Variants in CRPPA observed in about 807,000 individuals in gnomAD.
CRPPA encodes the protein D-ribitol-5-phosphate cytidylyltransferase.
A neutral mutation model predicts 52.0 loss-of-function variants in CRPPA; 43 were observed. The ratio of observed to expected loss-of-function variants is 0.83; its 90% CI spans 0.65 to 1.07. The LOEUF is 1.07. Among genes scored for constraint, CRPPA ranks in the 50% least tolerant of loss-of-function variants. The probability of loss-of-function intolerance (pLI) is 0.00; values close to 1 mark genes in which losing one functional copy is unlikely to be tolerated. For missense variants in CRPPA, 629 were observed against 551.7 expected (o/e 1.14, Z -1.40); for synonymous variants, 250 against 203.5 (o/e 1.23, Z -1.94).
At position 16,348,517 on chromosome 7, in the gene CRPPA, G is replaced by A. The variant is rs192333482; in HGVS notation, c.684+27575C>T. 6.1e-4 allele frequency among the ~76,000 whole-genome samples: 93 copies of A among 152,304 alleles called. 1 individual carries two copies. The highest frequency in any genetic ancestry group is 2.2e-3 in the African/African-American group (90 of 41,568). ...AATGCATCCTATAAATCTAGCTCTG[G>A]AAGCAGAAGGGACTAGGTATATGAG... On this transcript the variant is annotated intron_variant, in intron 3 of 9. Coordinates refer to ENST00000407010, the MANE Select transcript of CRPPA (RefSeq NM_001101426.4).
rs146539219 is a variant in CRPPA at position 16,256,463 on chromosome 7, C to T, written c.1119+1927G>A. 1.8e-3 allele frequency among the ~76,000 whole-genome samples: 274 copies of T among 152,250 alleles called. 2 individuals carry two copies. The highest frequency in any genetic ancestry group is 6.3e-3 in the African/African-American group (262 of 41,548). On this transcript the variant is annotated intron_variant, in intron 8 of 9. Coordinates refer to ENST00000407010, the MANE Select transcript of CRPPA (RefSeq NM_001101426.4). ...ATTCTACAATAAAGACACATGCACA[C>T]GTATGTTTATTGCAGCTCTGTTCAC... is the stretch of plus-strand genomic sequence containing the variant.
chr7:16,407,038 C>T (rs1374563679), intron 1 of CRPPA, among the ~76,000 whole-genome samples: 1 of 152,166 alleles, frequency 6.6e-6, no homozygotes, highest in Admixed American at 6.5e-5. Context: ...TACAGTGGCA[C>T]CATCTCAGTT....
chr7:16,200,672 C>T (rs191619563), intron 9 of CRPPA, among the ~76,000 whole-genome samples: 137 of 152,254 alleles, frequency 9.0e-4, no homozygotes, highest in African/African-American at 3.0e-3. Context: ...AATTTAAAGT[C>T]ACAAAACTTC....
intron 8 of CRPPA, among the ~76,000 whole-genome samples, chr7:16,240,195 A>C (rs766304166): frequency 3.3e-5 from 5 of 150,894 alleles, no homozygotes; most frequent in Non-Finnish European, 5.9e-5. Flanking sequence ...TTTGTGTTAG[A>C]AATGAATCCA....
intron 9 of CRPPA, among the ~76,000 whole-genome samples, chr7:16,165,694 C>G (rs897412265): frequency 2.0e-5 from 3 of 152,198 alleles, no homozygotes; most frequent in Admixed American, 6.5e-5. Flanking sequence ...TGTAAAAACA[C>G]CATAATTCCC....
intron 3 of CRPPA, among the ~76,000 whole-genome samples, chr7:16,371,764 T>C (rs893882063): frequency 6.6e-6 from 1 of 151,782 alleles, no homozygotes; most frequent in Non-Finnish European, 1.5e-5. Context: ...ATTAAGCTAT[T>C]CAAGGAGATA....
At chr7:16,398,208 C>T (rs1344550479) in intron 2 of CRPPA, among the ~76,000 whole-genome samples, 1 of 152,078 alleles carries the variant, frequency 6.6e-6, no homozygotes, top group Non-Finnish European at 1.5e-5. Context: ...GTGATCAAGA[C>T]ATGATCTACA....
At chr7:16,261,585 T>A (rs1783801609) in intron 6 of CRPPA, among the ~76,000 whole-genome samples, 1 of 137,652 alleles carries the variant, frequency 7.3e-6, no homozygotes, top group Non-Finnish European at 1.6e-5. Flanking sequence ...TAGTTGGTTG[T>A]TTTGGAGCAA....
In CRPPA at chr7:16,286,037, AAATATAAATATAT is replaced by A. The variant is rs1455972459; in HGVS notation, c.836-7824_836-7812del. On this transcript the variant is annotated intron_variant, in intron 5 of 9. Transcript: ENST00000407010. The stretch of plus-strand genomic sequence containing the variant: ...CTCCATCTCAAAAAAAAAAAAAAAA[AAATATAAATATAT>A]ATATATATATATATATATATATATA... Among the ~76,000 whole-genome samples the A allele has an allele frequency of 7.0e-3, 105 of 15,086 alleles. 6 individuals are homozygous for A. Among genetic ancestry groups the A allele is most frequent in the African/African-American group, 0.023 (43 of 1,852 alleles). 9.9% of individuals were successfully genotyped at this position (15,086 alleles called of 152,430 possible). A position where few individuals can be genotyped will look rare whatever the true frequency, so the allele number is the denominator to read the frequency against.
At position 16,376,216 on chromosome 7, in the gene CRPPA, A is replaced by G. The variant is rs1554347337; in HGVS notation, c.560T>C (p.Val187Ala). 6.2e-7 allele frequency: 1 copy of G among 1,610,536 alleles called. No individual in the cohort carries two copies. The highest frequency in any genetic ancestry group is 8.5e-7 in the Non-Finnish European group (1 of 1,178,514). ...HGAAGAIRPL[V>A]STVVSPSADG... ...AGCAGATGGACTGACGACAGTAGATACAAGAGGTCGAATGGCTCCTGCTGC... is the reference window on the plus strand; with the variant it reads ...AGCAGATGGACTGACGACAGTAGATGCAAGAGGTCGAATGGCTCCTGCTGC... Residue 187 changes from valine (V) to alanine (A), a missense_variant, in exon 3 of 10, where the codon GTA (valine) becomes GCA (alanine). Coordinates refer to ENST00000407010, the MANE Select transcript of CRPPA (RefSeq NM_001101426.4).
rs1350025112 is a variant in CRPPA, at chr7:16,090,254, T to C, written c.*1441A>G. 6.6e-6 allele frequency: 1 copy of C among 152,166 alleles called. No homozygotes were observed. Among genetic ancestry groups the C allele is most frequent in the East Asian group, 1.9e-4 (1 of 5,202 alleles). The allele number at this position is 152,166 out of a possible 1,614,324, so 9.4% of individuals were successfully genotyped here. A position where few individuals can be genotyped will look rare whatever the true frequency, so the allele number is the denominator to read the frequency against. On this transcript the variant is annotated 3_prime_UTR_variant, in exon 10 of 10. Transcript: ENST00000407010. ...GAATGTAAAATATAAACTCTCCTAC[T>C]ATATATATACTTGAACACTAGAGGG...
At chr7:16,102,437 CA>C (rs1360786709) in intron 9 of CRPPA, among the ~76,000 whole-genome samples, 1 of 151,984 alleles carries the variant, frequency 6.6e-6, no homozygotes, top group African/African-American at 2.4e-5. Flanking sequence ...CAATGGCAAC[CA>C]GAGCCAAAAT....
intron 3 of CRPPA, among the ~76,000 whole-genome samples, chr7:16,340,553 T>C (rs1041467130): frequency 6.8e-6 from 1 of 146,546 alleles, no homozygotes; most frequent in Non-Finnish European, 1.5e-5. Context: ...ATAATACAAA[T>C]GGCCAAAATC....
At chr7:16,360,125 CG>C (rs1180721579) in intron 3 of CRPPA, among the ~76,000 whole-genome samples, 2 of 152,172 alleles carry the variant, frequency 1.3e-5, no homozygotes, top group African/African-American at 4.8e-5. Flanking sequence ...ATGATTCCTA[CG>C]GAACAAGTGT....
Position 16,421,061 on chromosome 7 carries a change from A to C in CRPPA, c.257+5T>G, listed in dbSNP as rs1788321278. The C allele has an allele frequency of 7.9e-7, 1 of 1,266,078 alleles. No homozygotes were observed. The highest frequency in any genetic ancestry group is 1.6e-5 in the African/African-American group (1 of 64,470). 78.4% of individuals were successfully genotyped at this position (1,266,078 alleles called of 1,614,324 possible). Reference sequence around the variant, plus strand: ...AACCGCGGGGCGCGCCCGGCGCCGCATTACCTCTCCAGGGCCTGTAGGGTG... The same window carrying C: ...AACCGCGGGGCGCGCCCGGCGCCGCCTTACCTCTCCAGGGCCTGTAGGGTG... On this transcript the variant is annotated splice_donor_5th_base_variant and intron_variant, in intron 1 of 9. Transcript: ENST00000407010.
intron 3 of CRPPA, among the ~76,000 whole-genome samples, chr7:16,355,829 A>C (rs1283011993): frequency 6.6e-6 from 1 of 152,178 alleles, no homozygotes; most frequent in African/African-American, 2.4e-5. Flanking sequence ...GCCGCCCACC[A>C]GCACAGTGAC....
intron 5 of CRPPA, 137 bp downstream of exon 5, chr7:16,301,284 T>G (rs1784785169): frequency 1.6e-6 from 1 of 640,588 alleles, no homozygotes; most frequent in African/African-American, 1.8e-5. Context: ...GTAATTATTT[T>G]CAAAAAACAA....
intron 3 of CRPPA, among the ~76,000 whole-genome samples, chr7:16,329,561 T>A (rs1428651366): frequency 1.3e-5 from 2 of 152,254 alleles, no homozygotes; most frequent in East Asian, 3.9e-4. Context: ...AGGAGACACA[T>A]TTACGTCAAT....
chr7:16,201,388 T>G (rs946164653), intron 9 of CRPPA, among the ~76,000 whole-genome samples: 1 of 152,134 alleles, frequency 6.6e-6, no homozygotes, highest in African/African-American at 2.4e-5. Context: ...CTCTCTCAAT[T>G]TGTTCTTTTT....
Sources: gnomAD v4.1 joint callset for allele counts (sites outside exome capture counted in the v4.1 genomes callset) on GRCh38, gnomAD v4.1.1 for gene constraint, MANE v1.5 for transcripts, NCBI Gene and HGNC (gene_info 2026-07-23, HGNC 2026-07-21) for gene names.